PCDH15: variants seen among roughly 807,000 people sequenced by gnomAD.
The protein encoded by PCDH15 is protocadherin related 15.
Under a neutral mutation model 178.5 loss-of-function variants are expected in PCDH15, and 129 were observed. The ratio of observed to expected loss-of-function variants is 0.72; its 90% CI spans 0.63 to 0.84. The LOEUF is 0.84. PCDH15 is among the 40% of genes least tolerant of loss of function. The pLI, the probability that PCDH15 is intolerant of heterozygous loss-of-function variation, is 0.00. For synonymous variants in PCDH15, 800 were observed against 732.0 expected (o/e 1.09, Z -1.50); for missense variants, 2,230 against 2,099.9 (o/e 1.06, Z -1.21).
chr10:53,970,368 T>A (rs1236139440), intron 21 of PCDH15, among the ~76,000 whole-genome samples: 2 of 152,086 alleles, frequency 1.3e-5, no homozygotes, highest in Non-Finnish European at 2.9e-5. Context: ...AGCAAGTCCT[T>A]GGAGACCTAC....
chr10:54,688,893 C>A (rs181341434), intron 1 of PCDH15, among the ~76,000 whole-genome samples: 1 of 152,172 alleles, frequency 6.6e-6, no homozygotes, highest in East Asian at 1.9e-4. Context: ...ATGAGAAGAT[C>A]AGGATCAGTC....
At chr10:54,349,933 A>G (rs563689132) in intron 5 of PCDH15, among the ~76,000 whole-genome samples, 2 of 152,282 alleles carry the variant, frequency 1.3e-5, no homozygotes, top group South Asian at 4.1e-4. Context: ...GTGTGGCCAT[A>G]TATACTTTTA....
At chr10:55,090,387 C>T (rs1017616624) in intron 2 of PCDH15, among the ~76,000 whole-genome samples, 1 of 146,282 alleles carries the variant, frequency 6.8e-6, no homozygotes, top group South Asian at 2.2e-4. Context: ...AATGAATAGT[C>T]TTATACTCAG....
intron 3 of PCDH15, among the ~76,000 whole-genome samples, chr10:54,879,520 A>T (rs1269238567): frequency 6.6e-6 from 1 of 151,980 alleles, no homozygotes; most frequent in African/African-American, 2.4e-5. Context: ...TTATTCAATA[A>T]ACTTGAAATC....
chr10:54,764,814 G>A (rs976252902), intron 1 of PCDH15, among the ~76,000 whole-genome samples: 7 of 152,112 alleles, frequency 4.6e-5, no homozygotes, highest in African/African-American at 7.2e-5. Flanking sequence ...AGGGCAATGC[G>A]TAAGGCAAAA....
intron 2 of PCDH15, among the ~76,000 whole-genome samples, chr10:54,971,971 T>C (rs1157412502): frequency 6.6e-6 from 1 of 152,176 alleles, no homozygotes; most frequent in Non-Finnish European, 1.5e-5. Context: ...GGCAGGACAC[T>C]GTCGATTCCC....
In PCDH15 at chr10:54,221,491, T is replaced by A. The variant is rs145326679; in HGVS notation, c.986-7443A>T. On this transcript the variant is annotated intron_variant, in intron 9 of 37. Transcript: ENST00000644397. ...TCCATAATTGCCAGAAATTTCCTTA[T>A]GACAATGTCTCCTTTCTCTCCCCAT... Among the ~76,000 whole-genome samples the A allele has an allele frequency of 1.2e-3, 190 of 152,308 alleles. 3 individuals are homozygous for A. The East Asian group carries it at 0.034, about 27-fold the overall frequency.
At chr10:54,190,202 T>C (rs1310772626) in intron 11 of PCDH15, among the ~76,000 whole-genome samples, 1 of 152,116 alleles carries the variant, frequency 6.6e-6, no homozygotes, top group Non-Finnish European at 1.5e-5. Flanking sequence ...ACTTGTCCCC[T>C]TCTTGGCATT....
chr10:55,001,017 CT>C (rs1839783495), intron 2 of PCDH15, among the ~76,000 whole-genome samples: 1 of 152,182 alleles, frequency 6.6e-6, no homozygotes, highest in Admixed American at 6.5e-5. Flanking sequence ...CTCACACACT[CT>C]TTGAGACGAC....
At chr10:54,509,717 C>T (rs1367417274) in intron 3 of PCDH15, among the ~76,000 whole-genome samples, 1 of 152,144 alleles carries the variant, frequency 6.6e-6, no homozygotes. Flanking sequence ...TCTGCCTCAA[C>T]TTCTTTACTT....
At chr10:54,948,015 T>C (rs528329540) in intron 2 of PCDH15, among the ~76,000 whole-genome samples, 1 of 151,936 alleles carries the variant, frequency 6.6e-6, no homozygotes, top group African/African-American at 2.4e-5. Context: ...TTGTATACAT[T>C]GATATTTGTG....
At chr10:54,507,009 C>A (rs1475072705) in intron 3 of PCDH15, among the ~76,000 whole-genome samples, 1 of 151,780 alleles carries the variant, frequency 6.6e-6, no homozygotes, top group Non-Finnish European at 1.5e-5. Flanking sequence ...TAACCTTAGG[C>A]TTTTTCTTAA....
chr10:55,091,136 T>C (rs1023285106), intron 2 of PCDH15, among the ~76,000 whole-genome samples: 16 of 151,960 alleles, frequency 1.1e-4, no homozygotes, highest in African/African-American at 3.6e-4. Flanking sequence ...AAATTTGTAG[T>C]AAAATTATTG....
intron 1 of PCDH15, among the ~76,000 whole-genome samples, chr10:55,291,883 A>T (rs1007173963): frequency 6.6e-6 from 1 of 152,134 alleles, no homozygotes; most frequent in African/African-American, 2.4e-5. Context: ...TGTGCAGGGA[A>T]ACTGCCCCCT....
At chr10:53,969,843 GA>G (rs1167036869) in intron 21 of PCDH15, among the ~76,000 whole-genome samples, 2 of 152,020 alleles carry the variant, frequency 1.3e-5, no homozygotes, top group Non-Finnish European at 2.9e-5. Context: ...TGCCTTACAA[GA>G]GCTCCTAAAA....
Position 54,669,920 on chromosome 10 carries a change from G to T in PCDH15, c.-28-5630C>A, listed in dbSNP as rs182365376. On this transcript the variant is annotated intron_variant, in intron 1 of 37. Coordinates refer to ENST00000644397, the MANE Select transcript of PCDH15 (RefSeq NM_001384140.1). ...ATATAAAATATTAGCTGGGTGTGGT[G>T]GTGCACACCTGTAATCTCAGTTACT... 1.1e-4 allele frequency among the ~76,000 whole-genome samples: 16 copies of T among 151,902 alleles called. No homozygotes were observed. The East Asian group carries it at 2.7e-3, about 26-fold the overall frequency.
intron 3 of PCDH15, among the ~76,000 whole-genome samples, chr10:54,458,633 T>C (rs1022009336): frequency 6.6e-6 from 1 of 152,100 alleles, no homozygotes; most frequent in Admixed American, 6.6e-5. Context: ...ATAGCTTATG[T>C]TTTTAGTTAT....
At chr10:55,234,703 A>C (rs925742021) in intron 1 of PCDH15, among the ~76,000 whole-genome samples, 1 of 151,956 alleles carries the variant, frequency 6.6e-6, no homozygotes, top group Non-Finnish European at 1.5e-5. Flanking sequence ...TTCTATTGAG[A>C]TTTCTGATAA....
intron 1 of PCDH15, among the ~76,000 whole-genome samples, chr10:55,317,973 G>A (rs1278428829): frequency 1.3e-5 from 2 of 151,396 alleles, no homozygotes; most frequent in Non-Finnish European, 2.9e-5. Context: ...CACTTGTTGA[G>A]AGCAATAGTG....
Sources: gnomAD v4.1 joint callset for allele counts (sites outside exome capture counted in the v4.1 genomes callset) on GRCh38, gnomAD v4.1.1 for gene constraint, MANE v1.5 for transcripts, NCBI Gene and HGNC (gene_info 2026-07-23, HGNC 2026-07-21) for gene names.